Variants in ZNF277 observed in about 807,000 individuals in gnomAD.
ZNF277 encodes zinc finger protein 277, also known as nuclear receptor-interacting factor 4.
A neutral mutation model predicts 60.7 loss-of-function variants in ZNF277; 55 were observed. The observed-to-expected ratio is 0.91, with a 90% CI of 0.73 to 1.13. The LOEUF (loss-of-function observed/expected upper bound fraction) is 1.13. Among genes scored for constraint, ZNF277 ranks in the 50% most tolerant of loss-of-function variants. The pLI is 0.00. For missense variants in ZNF277, 510 were observed against 523.0 expected (o/e 0.98, Z 0.24); for synonymous variants, 178 against 179.3 (o/e 0.99, Z 0.06).
intron 2 of ZNF277, chr7:112,288,624 A>G (rs1792124625): frequency 6.5e-6 from 1 of 152,728 alleles, no homozygotes; most frequent in Non-Finnish European, 1.5e-5. Context: ...CAAAGTATGG[A>G]ATGTGAGGGC....
intron 4 of ZNF277, among the ~76,000 whole-genome samples, chr7:112,300,344 G>A (rs1023702226): frequency 6.6e-6 from 1 of 152,230 alleles, no homozygotes; most frequent in African/African-American, 2.4e-5. Flanking sequence ...GAAGATTCTC[G>A]AGGATTTCAA....
At chr7:112,238,095 C>T (rs749819160) in intron 1 of ZNF277, among the ~76,000 whole-genome samples, 1 of 152,138 alleles carries the variant, frequency 6.6e-6, no homozygotes, top group Non-Finnish European at 1.5e-5. Context: ...TCATAAGAAC[C>T]AGAAGTTAGG....
chr7:112,228,914 A>G (rs939129867), intron 1 of ZNF277, among the ~76,000 whole-genome samples: 3 of 152,212 alleles, frequency 2.0e-5, no homozygotes, highest in African/African-American at 7.2e-5. Context: ...TCTCGCAACT[A>G]AAATAAATAA....
intron 1 of ZNF277, among the ~76,000 whole-genome samples, chr7:112,282,173 A>G (rs2117054092): frequency 6.6e-6 from 1 of 152,368 alleles, no homozygotes; most frequent in East Asian, 1.9e-4. Flanking sequence ...TAAGGAGTTC[A>G]CAGACTAGCA....
In ZNF277 at chr7:112,207,215, C is replaced by T. The variant is rs1446760338; in HGVS notation, c.91+408C>T. On this transcript the variant is annotated intron_variant, in intron 1 of 11. Transcript: ENST00000361822. The stretch of plus-strand genomic sequence containing the variant: ...CTCACCAGTACACTGCCTTGGTTTG[C>T]TTGGTTTGACCTCGCAGGTGTGTTT... Among the ~76,000 whole-genome samples the T allele has an allele frequency of 2.0e-5, 3 of 152,272 alleles. No homozygotes were observed. In the East Asian group the frequency reaches 5.8e-4, roughly 29 times the overall value.
At chr7:112,263,515 T>A (rs1472237500) in intron 1 of ZNF277, among the ~76,000 whole-genome samples, 1 of 152,220 alleles carries the variant, frequency 6.6e-6, no homozygotes, top group East Asian at 1.9e-4. Context: ...CCTTCTTCTT[T>A]ATCAGTCTGA....
chr7:112,218,573 T>G (rs899019497), intron 1 of ZNF277, among the ~76,000 whole-genome samples: 23 of 152,198 alleles, frequency 1.5e-4, no homozygotes, highest in African/African-American at 5.5e-4. Context: ...TCCTGAACTT[T>G]TTCCTGACTG....
chr7:112,264,742 C>T (rs957699780), intron 1 of ZNF277, among the ~76,000 whole-genome samples: 5 of 151,512 alleles, frequency 3.3e-5, no homozygotes, highest in African/African-American at 1.2e-4. Flanking sequence ...AAGCGAGTCA[C>T]ATGGATTTTT....
chr7:112,264,603 GA>G (rs750535875), intron 1 of ZNF277, among the ~76,000 whole-genome samples: 18 of 149,720 alleles, frequency 1.2e-4, no homozygotes, highest in East Asian at 9.7e-4. Context: ...ATTAAATGGA[GA>G]AAAAAAAAGT....
At chr7:112,286,810 A>T (rs1256346883) in intron 1 of ZNF277, 63 bp from the exon 2 acceptor site, 3 of 1,363,438 alleles carry the variant, frequency 2.2e-6, no homozygotes, top group Non-Finnish European at 2.9e-6. Flanking sequence ...AATCATCCAT[A>T]TGAAGAGTTG....
chr7:112,317,022 A>C (rs1792861219), intron 4 of ZNF277, among the ~76,000 whole-genome samples: 1 of 152,068 alleles, frequency 6.6e-6, no homozygotes, highest in Non-Finnish European at 1.5e-5. Context: ...GAAGCTGGAA[A>C]CCATCATTCT....
intron 1 of ZNF277, among the ~76,000 whole-genome samples, chr7:112,217,542 C>T (rs979815427): frequency 2.4e-4 from 37 of 152,220 alleles, no homozygotes; most frequent in Non-Finnish European, 8.8e-5. Flanking sequence ...CCGACTCCAT[C>T]TTGCTTCTAA....
At chr7:112,256,434 T>C (rs1172684149) in intron 1 of ZNF277, among the ~76,000 whole-genome samples, 2 of 145,402 alleles carry the variant, frequency 1.4e-5, no homozygotes, top group African/African-American at 2.6e-5. Context: ...TTTTTTTTTT[T>C]TTTTTTTTTT....
intron 5 of ZNF277, among the ~76,000 whole-genome samples, chr7:112,322,886 A>G (rs1793015622): frequency 6.6e-6 from 1 of 152,066 alleles, no homozygotes; most frequent in African/African-American, 2.4e-5. Context: ...GGTTTTTGTT[A>G]CTTTTTGTGT....
intron 1 of ZNF277, among the ~76,000 whole-genome samples, chr7:112,252,815 A>G (rs1438026142): frequency 1.3e-5 from 2 of 152,152 alleles, no homozygotes; most frequent in Non-Finnish European, 2.9e-5. Flanking sequence ...AACAAAAGAT[A>G]CTCAGCATTT....
chr7:112,319,804 G>T (rs1350084269), intron 5 of ZNF277, among the ~76,000 whole-genome samples: 1 of 151,518 alleles, frequency 6.6e-6, no homozygotes, highest in African/African-American at 2.4e-5. Context: ...AAAAATCGGT[G>T]CCAAGGCCAC....
At chr7:112,314,552 G>T (rs562750058) in intron 4 of ZNF277, among the ~76,000 whole-genome samples, 6 of 152,138 alleles carry the variant, frequency 3.9e-5, no homozygotes, top group Non-Finnish European at 7.4e-5. Context: ...CCAGCCCTTT[G>T]GGAGGCTGAG....
At chr7:112,273,895 C>T (rs10226284) in intron 1 of ZNF277, among the ~76,000 whole-genome samples, 30,227 of 151,978 alleles carry the variant, frequency 0.2, 3,393 homozygotes, top group African/African-American at 0.31. Flanking sequence ...GTTCATAAAA[C>T]TGTGATGATC....
At chr7:112,312,513 G>A (rs886555673) in intron 4 of ZNF277, among the ~76,000 whole-genome samples, 1 of 152,086 alleles carries the variant, frequency 6.6e-6, no homozygotes, top group South Asian at 2.1e-4. Context: ...GAGGCATGCT[G>A]AAGTATTTAG....
Sources: allele counts gnomAD v4.1 joint callset (sites outside exome capture counted in the v4.1 genomes callset), GRCh38; gene constraint gnomAD v4.1.1; transcripts MANE v1.5; gene names NCBI Gene and HGNC (gene_info 2026-07-23, HGNC 2026-07-21).